Variants in CHRNA7 observed in about 807,000 individuals in gnomAD.
CHRNA7 encodes cholinergic receptor nicotinic alpha 7 subunit.
Under a neutral mutation model 48.0 loss-of-function variants are expected in CHRNA7, and 17 were observed. The ratio of observed to expected loss-of-function variants is 0.35; its 90% CI spans 0.24 to 0.53. The LOEUF is 0.53. Ranked by LOEUF, CHRNA7 falls within the 20% of genes least tolerant of loss-of-function variation. The pLI is 0.92. For missense variants in CHRNA7, 155 were observed against 577.7 expected, an observed-to-expected ratio of 0.27 and a Z score of 7.50; for synonymous variants, 75 against 242.3, an observed-to-expected ratio of 0.31 and a Z score of 6.41.
chr15:32,032,852 C>T (rs907761342), intron 2 of CHRNA7, among the ~76,000 whole-genome samples: 1 of 152,192 alleles, frequency 6.6e-6, no homozygotes, highest in African/African-American at 2.4e-5. Context: ...CGCGGAGAAG[C>T]TGCAGGCTTT....
At chr15:32,058,013 T>C (rs2049815587) in intron 2 of CHRNA7, among the ~76,000 whole-genome samples, 1 of 152,208 alleles carries the variant, frequency 6.6e-6, no homozygotes, top group Non-Finnish European at 1.5e-5. Flanking sequence ...ATTTTACAAC[T>C]TCAGACTAAA....
rs139984665 is a variant in CHRNA7 at position 32,110,189 on chromosome 15, C to G, written c.241-1601C>G. 7.9e-5 allele frequency among the ~76,000 whole-genome samples: 12 copies of G among 152,278 alleles called. No individual in the cohort carries two copies. The East Asian group carries it at 2.3e-3, about 29-fold the overall frequency. ...CAGAAAGCACAGGTGTTGGCTGTGG[C>G]AGGGCCTTGTGCCCAGGGCAAGGGA... On this transcript the variant is annotated intron_variant, in intron 3 of 9. Transcript: ENST00000306901.
intron 2 of CHRNA7, chr15:32,099,727 A>G (rs898297934): frequency 1.3e-5 from 2 of 152,206 alleles, no homozygotes; most frequent in Non-Finnish European, 2.9e-5. Flanking sequence ...GTGCTTCCCA[A>G]TAATATTGGA....
rs887114198 is a variant in CHRNA7, at chr15:32,031,143, T to C, written c.195+106T>C. On this transcript the variant is annotated intron_variant, in intron 2 of 9. Coordinates refer to ENST00000306901, the MANE Select transcript of CHRNA7 (RefSeq NM_000746.6). ...GCGGTGGAGCTCGGCTGGGGCACTC[T>C]AGTTGGCCCCAAGCTAGGCAGGGCC... 3.1e-5 allele frequency: 42 copies of C among 1,373,894 alleles called. No homozygotes were observed. In the Admixed American group the frequency reaches 3.5e-4, roughly 11 times the overall value. The allele number at this position is 1,373,894 out of a possible 1,614,324, so 85.1% of individuals were successfully genotyped here.
chr15:32,064,505 G>GTGTA (rs1251792484), intron 2 of CHRNA7, among the ~76,000 whole-genome samples: 47 of 129,314 alleles, frequency 3.6e-4, no homozygotes, highest in African/African-American at 1.1e-3. Context: ...GTGTGTGTAT[G>GTGTA]TGTGTGTGTG....
At chr15:32,070,569 C>T (rs562488581) in intron 2 of CHRNA7, among the ~76,000 whole-genome samples, 74 of 149,710 alleles carry the variant, frequency 4.9e-4, no homozygotes, top group African/African-American at 1.7e-3. Context: ...AAGATTTTTT[C>T]CTATGTTTTC....
chr15:32,094,760 G>A (rs1349690577), intron 2 of CHRNA7, among the ~76,000 whole-genome samples: 3 of 151,636 alleles, frequency 2.0e-5, no homozygotes, highest in Non-Finnish European at 4.4e-5. Context: ...TCCCAGGTTC[G>A]TGCCATTCTC....
At chr15:32,036,567 CT>C (rs1449328779) in intron 2 of CHRNA7, among the ~76,000 whole-genome samples, 3 of 152,182 alleles carry the variant, frequency 2.0e-5, no homozygotes, top group Non-Finnish European at 4.4e-5. Flanking sequence ...ATGAGAGCCC[CT>C]GTTGCCCTTT....
intron 2 of CHRNA7, 27 bp downstream of exon 2, chr15:32,031,064 C>T (rs1339898864): frequency 1.9e-6 from 3 of 1,612,724 alleles, no homozygotes; most frequent in Non-Finnish European, 2.5e-6. Context: ...TACAGGGCTG[C>T]CCTCTCCCCT....
chr15:32,038,798 A>T (rs1056425305), intron 2 of CHRNA7, among the ~76,000 whole-genome samples: 1 of 152,166 alleles, frequency 6.6e-6, no homozygotes, highest in African/African-American at 2.4e-5. Flanking sequence ...TTTAGGAAGT[A>T]TTTCCTCTGC....
intron 2 of CHRNA7, among the ~76,000 whole-genome samples, chr15:32,044,199 C>T (rs992176370): frequency 6.6e-6 from 1 of 152,046 alleles, no homozygotes; most frequent in African/African-American, 2.4e-5. Context: ...GAATCTGTTC[C>T]TTGGTTTCAT....
intron 2 of CHRNA7, among the ~76,000 whole-genome samples, chr15:32,050,416 C>A (rs1199759230): frequency 6.6e-6 from 1 of 152,160 alleles, no homozygotes; most frequent in Non-Finnish European, 1.5e-5. Flanking sequence ...TCGCTGATAC[C>A]CATTCTTCCA....
intron 2 of CHRNA7, among the ~76,000 whole-genome samples, chr15:32,045,825 C>A (rs1441469017): frequency 8.4e-6 from 1 of 119,210 alleles, no homozygotes; most frequent in Admixed American, 9.0e-5. Flanking sequence ...CCCCTCCCCC[C>A]ACCCCACAAC....
At chr15:32,052,149 C>T (rs1056520290) in intron 2 of CHRNA7, among the ~76,000 whole-genome samples, 3 of 151,794 alleles carry the variant, frequency 2.0e-5, no homozygotes, top group Admixed American at 6.6e-5. Flanking sequence ...GGATCTTGTC[C>T]CTGCAATTCC....
At chr15:32,092,146 G>A (rs1000413554) in intron 2 of CHRNA7, among the ~76,000 whole-genome samples, 28 of 152,138 alleles carry the variant, frequency 1.8e-4, no homozygotes, top group African/African-American at 5.8e-4. Flanking sequence ...ATCTTACACC[G>A]TGGTTATCTC....
chr15:32,051,610 G>A (rs955724209), intron 2 of CHRNA7, among the ~76,000 whole-genome samples: 1 of 152,188 alleles, frequency 6.6e-6, no homozygotes, highest in Admixed American at 6.5e-5. Flanking sequence ...CCCGAGTGAG[G>A]CAATGCCTCG....
At chr15:32,064,523 C>T (rs2049934076) in intron 2 of CHRNA7, among the ~76,000 whole-genome samples, 1 of 150,472 alleles carries the variant, frequency 6.6e-6, no homozygotes, top group Admixed American at 6.6e-5. Flanking sequence ...GTGGTGTGTG[C>T]AGGCAGGGGG....
chr15:32,151,478 G>A (rs79319041), intron 4 of CHRNA7, among the ~76,000 whole-genome samples: 15,483 of 151,858 alleles, frequency 0.1, 802 homozygotes, highest in Middle Eastern at 0.14. Context: ...TTCATGCTTG[G>A]GTGGTTTTTC....
chr15:32,120,315 C>T (rs1182791236), intron 4 of CHRNA7, among the ~76,000 whole-genome samples: 2 of 152,162 alleles, frequency 1.3e-5, no homozygotes, highest in Non-Finnish European at 2.9e-5. Context: ...TTCCCTCCCT[C>T]TGAGCTGGCT....
Sources: gnomAD v4.1 joint callset for allele counts (sites outside exome capture counted in the v4.1 genomes callset) on GRCh38, gnomAD v4.1.1 for gene constraint, MANE v1.5 for transcripts, NCBI Gene and HGNC (gene_info 2026-07-23, HGNC 2026-07-21) for gene names.